NR1D1: variants seen among roughly 807,000 people sequenced by gnomAD.
NR1D1 encodes the protein Rev-ErbAalpha.
In NR1D1, 17 loss-of-function variants were observed where a neutral mutation model predicts 51.1. The ratio of observed to expected loss-of-function variants is 0.33; its 90% CI spans 0.23 to 0.50. NR1D1 has a LOEUF of 0.50. Ranked by LOEUF, NR1D1 falls within the 20% of genes least tolerant of loss-of-function variation. The pLI is 0.98. For missense variants in NR1D1, 647 were observed against 830.4 expected, an observed-to-expected ratio of 0.78 and a Z score of 2.71; for synonymous variants, 341 against 333.4, an observed-to-expected ratio of 1.02 and a Z score of -0.25.
At position 40,097,382 on chromosome 17, in the gene NR1D1, C is replaced by T. The variant is rs1987786841; in HGVS notation, c.53G>A (p.Gly18Asp). The change falls in exon 2 of 8, where the codon GGC becomes GAC. Residue 18 changes from glycine to aspartate, a missense_variant. Around this residue, in one of 7 missense-constraint regions of NR1D1, gnomAD observed 40 missense variants for 69.0 expected, o/e 0.58. Transcript: ENST00000246672. ...GCGGCTTGGGGAGGAGCCACTGGAG[C>T]CAATGTAGGTGATGACGCCACCTGG... ...NNTGGVITYI[G>D]SSGSSPSRTS... The T allele has an allele frequency of 6.2e-7, 1 of 1,611,878 alleles. No homozygotes were observed. Among genetic ancestry groups the T allele is most frequent in the South Asian group, 1.1e-5 (1 of 90,816 alleles).
At chr17:40,099,714 G>A (rs1316711670) in intron 1 of NR1D1, among the ~76,000 whole-genome samples, 1 of 152,210 alleles carries the variant, frequency 6.6e-6, no homozygotes, top group Non-Finnish European at 1.5e-5. Flanking sequence ...GCATACTACA[G>A]CTGCAGGTAG....
intron 1 of NR1D1, among the ~76,000 whole-genome samples, chr17:40,098,551 C>A (rs1300800149): frequency 6.6e-6 from 1 of 152,164 alleles, no homozygotes; most frequent in Non-Finnish European, 1.5e-5. Flanking sequence ...GGAGTGAGAC[C>A]TTCATGCAGA....
intron 2 of NR1D1, 30 bp from the exon 3 acceptor site, chr17:40,096,809 G>A (rs201615243): frequency 1.9e-6 from 3 of 1,607,308 alleles, no homozygotes; most frequent in South Asian, 2.2e-5. Flanking sequence ...CAGGTGAGCA[G>A]GAGAGGCCAG....
rs200093144 is a variant in NR1D1 at position 40,092,853 on chromosome 17, T to A, written c.*230A>T. ...AACAAATCAGAGGGCCAGGGGAGGGTTGTGGGGGAGACAGAGTGGTTTAAA... is the reference window on the plus strand; with the variant it reads ...AACAAATCAGAGGGCCAGGGGAGGGATGTGGGGGAGACAGAGTGGTTTAAA... On this transcript the variant is annotated 3_prime_UTR_variant, in exon 8 of 8. Transcript: ENST00000246672. 60 of 909,296 alleles carry A rather than the reference T, an allele frequency of 6.6e-5. 1 individual carries two copies. The highest frequency in any genetic ancestry group is 9.2e-5 in the Non-Finnish European group (58 of 627,802). The allele number at this position is 909,296 out of a possible 1,614,324, so 56.3% of individuals were successfully genotyped here.
chr17:40,094,768 GGAA>G, intron 6 of NR1D1, among the ~76,000 whole-genome samples, 164 bp downstream of exon 6: 1 of 152,206 alleles, frequency 6.6e-6, no homozygotes, highest in African/African-American at 2.4e-5. Flanking sequence ...CGTGGTGGCG[GGAA>G]CCTGTAATCC....
intron 1 of NR1D1, among the ~76,000 whole-genome samples, chr17:40,098,558 C>G (rs1987809274): frequency 6.6e-6 from 1 of 152,180 alleles, no homozygotes; most frequent in Non-Finnish European, 1.5e-5. Context: ...GACCTTCATG[C>G]AGAGGCTTCC....
Position 40,097,356 on chromosome 17 carries a change from T to G in NR1D1, c.79A>C (p.Thr27Pro), listed in dbSNP as rs1598403476. The change falls in exon 2 of 8, where the codon ACC becomes CCC. Residue 27 changes from threonine (T) to proline (P), a missense_variant. Transcript: ENST00000246672. ...IGSSGSSPSR[T>P]SPESLYSDNS... ...TCACTATAGAGGGATTCAGGGCTGGTGCGGCTTGGGGAGGAGCCACTGGAG... is the reference window on the plus strand; with the variant it reads ...TCACTATAGAGGGATTCAGGGCTGGGGCGGCTTGGGGAGGAGCCACTGGAG... 2 of 1,613,124 alleles carry G rather than the reference T, an allele frequency of 1.2e-6. No homozygotes were observed. Among genetic ancestry groups the G allele is most frequent in the Non-Finnish European group, 1.7e-6 (2 of 1,179,728 alleles).
rs538092814 is a variant in NR1D1, at chr17:40,094,032, C to A, written c.1525G>T (p.Gly509Cys). The change falls in exon 7 of 8, where the codon GGT (glycine) becomes TGT (cysteine). Residue 509 changes from glycine to cysteine, a missense_variant. By Grantham distance (159) the Gly-to-Cys change is radical. Around this residue, in one of 7 missense-constraint regions of NR1D1, gnomAD observed 155 missense variants for 236.8 expected, o/e 0.65. Transcript: ENST00000246672. ...SRTTYSLQEL[G>C]AMGMGDLLSA... ...AGCAGGTCTCCCATGCCCATGGCACCAAGCTCCTGCAGGCTGTAGGTGGTG... is the reference window on the plus strand; with the variant it reads ...AGCAGGTCTCCCATGCCCATGGCACAAAGCTCCTGCAGGCTGTAGGTGGTG... 6 of 1,614,098 alleles carry A rather than the reference C, an allele frequency of 3.7e-6. No individual in the cohort carries two copies. In the South Asian group the frequency reaches 6.6e-5, roughly 18 times the overall value.
Position 40,093,913 on chromosome 17 carries a change from T to G in NR1D1, c.1644A>C (p.Ala548=), listed in dbSNP as rs1482824516. Reference sequence around the variant, plus strand: ...GGGTCAGGCGAGAGCCTGACCTACCTGCAGAGACAAGCACCACCGCGGTGA... The same window carrying G: ...GGGTCAGGCGAGAGCCTGACCTACCGGCAGAGACAAGCACCACCGCGGTGA... ...GLFTAVVLVS[A]DRSGMENSAS... Residue 548 remains alanine, a splice_region_variant and synonymous_variant, in exon 7 of 8, where the codon GCA becomes GCC. Transcript: ENST00000246672. The surrounding 1 kb of genome is among the most constrained non-coding windows in gnomAD (Gnocchi z 5.9). The G allele has an allele frequency of 6.2e-7, 1 of 1,611,734 alleles. No homozygotes were observed. Among genetic ancestry groups the G allele is most frequent in the Non-Finnish European group, 8.5e-7 (1 of 1,179,972 alleles).
At chr17:40,096,980 G>C in intron 2 of NR1D1, 85 bp downstream of exon 2, 2 of 1,362,198 alleles carry the variant, frequency 1.5e-6, no homozygotes, top group Non-Finnish European at 2.0e-6. Flanking sequence ...ATAGGTCCTG[G>C]CAAGACTGGT....
At chr17:40,096,624 T>C in intron 3 of NR1D1, 37 bp from the exon 4 acceptor site, 3 of 1,613,606 alleles carry the variant, frequency 1.9e-6, no homozygotes, top group Non-Finnish European at 2.5e-6. Context: ...ACCTCCATCA[T>C]GGCTGGGCCT....
At chr17:40,094,791 G>A in intron 6 of NR1D1, 144 bp downstream of exon 6, 1 of 700,974 alleles carries the variant, frequency 1.4e-6, no homozygotes. Flanking sequence ...CCAGCTACTT[G>A]GAAGGCTGAG....
At chr17:40,099,974 G>C (rs1987844988) in intron 1 of NR1D1, 90 bp downstream of exon 1, 22 of 956,432 alleles carry the variant, frequency 2.3e-5, no homozygotes, top group Non-Finnish European at 3.6e-5. Flanking sequence ...GGACACCCCA[G>C]TCCCTTACAA....
intron 3 of NR1D1, 28 bp from the exon 4 acceptor site, chr17:40,096,615 C>A: frequency 6.2e-7 from 1 of 1,613,530 alleles, no homozygotes; most frequent in East Asian, 2.2e-5. Flanking sequence ...TTAGTGACCA[C>A]CTCCATCATG....
rs1987742343 is a variant in NR1D1, at chr17:40,095,647, G to C, written c.1045C>G (p.Gln349Glu). The change falls in exon 5 of 8, where the codon CAG (glutamine) becomes GAG (glutamate). Residue 349 changes from glutamine to glutamate, a missense_variant. By Grantham distance (29) the Gln-to-Glu change is conservative. Coordinates refer to ENST00000246672, the MANE Select transcript of NR1D1 (RefSeq NM_021724.5). ...APNDNNTLAA[Q>E]RHNEALNGLR... ...CCATTTAGGGCCTCGTTATGACGCT[G>C]GGCAGCCAAGGTGTTGTTGTCATTG... 3 of 1,612,190 alleles carry C rather than the reference G, an allele frequency of 1.9e-6. No individual in the cohort carries two copies. Among genetic ancestry groups the C allele is most frequent in the Non-Finnish European group, 2.5e-6 (3 of 1,178,854 alleles).
Position 40,093,994 on chromosome 17 carries a change from G to C in NR1D1, c.1563C>G (p.Phe521Leu), listed in dbSNP as rs200838977. 1 of 1,614,044 alleles carries C rather than the reference G, an allele frequency of 6.2e-7. No homozygotes were observed. Among genetic ancestry groups the C allele is most frequent in the Non-Finnish European group, 8.5e-7 (1 of 1,180,034 alleles). The change falls in exon 7 of 8, where the codon TTC (phenylalanine) becomes TTG (leucine). Residue 521 changes from phenylalanine (F) to leucine (L), a missense_variant. Coordinates refer to ENST00000246672, the MANE Select transcript of NR1D1 (RefSeq NM_021724.5). This position sits in a 1 kb window ranked among gnomAD's most constrained non-coding sequence, Gnocchi z 5.9. Reference protein sequence around the residue: ...MGMGDLLSAMFDFSEKLNSLA... With the variant: ...MGMGDLLSAMLDFSEKLNSLA... ...GGGAGTTGAGCTTCTCGCTGAAGTC[G>C]AACATGGCACTGAGCAGGTCTCCCA...
At chr17:40,096,269 G>A (rs927456488) in intron 4 of NR1D1, among the ~76,000 whole-genome samples, 174 bp downstream of exon 4, 3 of 152,186 alleles carry the variant, frequency 2.0e-5, no homozygotes, top group Non-Finnish European at 4.4e-5. Context: ...GAGGTGACCC[G>A]AGGGACCAAT....
intron 1 of NR1D1, among the ~76,000 whole-genome samples, chr17:40,098,116 G>C (rs1163616488): frequency 6.6e-6 from 1 of 152,184 alleles, no homozygotes; most frequent in Non-Finnish European, 1.5e-5. Flanking sequence ...ATCTCAGCCT[G>C]GTAACAATGA....
At chr17:40,099,284 G>A (rs557630612) in intron 1 of NR1D1, among the ~76,000 whole-genome samples, 3 of 152,354 alleles carry the variant, frequency 2.0e-5, no homozygotes, top group African/African-American at 7.2e-5. Flanking sequence ...GCTGGACCCC[G>A]AACGATAGCA....
Sources: gnomAD v4.1 joint callset for allele counts (sites outside exome capture counted in the v4.1 genomes callset) on GRCh38, gnomAD v4.1.1 for gene constraint, gnomAD v4.1.1 regional missense constraint, Gnocchi (gnomAD v3.1) non-coding constraint, MANE v1.5 for transcripts, NCBI Gene and HGNC (gene_info 2026-07-23, HGNC 2026-07-21) for gene names.